RBFOX1: variants seen among roughly 807,000 people sequenced by gnomAD.
The protein encoded by RBFOX1 is RNA binding protein fox-1 homolog 1.
Under a neutral mutation model 57.7 loss-of-function variants are expected in RBFOX1, and 8 were observed. The observed-to-expected ratio is 0.14, with a 90% confidence interval of 0.08 to 0.25. The LOEUF is 0.25. Among genes scored for constraint, RBFOX1 ranks in the 10% least tolerant of loss-of-function variants. The pLI is 1.00. For missense variants in RBFOX1, 611 were observed against 548.5 expected (o/e 1.11, Z -1.14); for synonymous variants, 326 against 222.4 (o/e 1.47, Z -4.15).
Position 5,999,895 on chromosome 16 carries a change from AAAAAAAAAAAAAGAG to A in RBFOX1, c.351+132561_351+132575del, listed in dbSNP as rs1567239111. Reference sequence around the variant, plus strand: ...AAAAAAAAAAAAAAAAAAAAAAAAAAAAAAAAAAAAAAGAGTGAAGAAGGGAAATCAGACAAGGAA... The same window carrying A: ...AAAAAAAAAAAAAAAAAAAAAAAAAATGAAGAAGGGAAATCAGACAAGGAA... On this transcript the variant is annotated intron_variant, in intron 4 of 19. Transcript: ENST00000641259. Among the ~76,000 whole-genome samples the A allele has an allele frequency of 1.2e-3, 87 of 73,540 alleles. 16 individuals are homozygous for A. The Middle Eastern group carries it at 0.02, about 17-fold the overall frequency. 48.2% of individuals were successfully genotyped at this position (73,540 alleles called of 152,430 possible). A position where few individuals can be genotyped will look rare whatever the true frequency, so the allele number is the denominator to read the frequency against.
intron 3 of RBFOX1, among the ~76,000 whole-genome samples, chr16:6,892,786 CT>C (rs1567747849): frequency 4.1e-5 from 3 of 72,786 alleles, no homozygotes; most frequent in African/African-American, 1.4e-4. Context: ...CTCTCTCTCT[CT>C]CTCTCTCTCT....
At chr16:6,328,341 G>A (rs555779877) in intron 2 of RBFOX1, among the ~76,000 whole-genome samples, 2 of 152,198 alleles carry the variant, frequency 1.3e-5, no homozygotes, top group East Asian at 1.9e-4. Flanking sequence ...ATACTCCTCG[G>A]GTGATGGGTG....
chr16:6,849,275 C>T (rs2093937157), intron 3 of RBFOX1, among the ~76,000 whole-genome samples: 1 of 152,190 alleles, frequency 6.6e-6, no homozygotes, highest in Admixed American at 6.5e-5. Flanking sequence ...TAAAAGTTAG[C>T]TCCTGCAATA....
intron 1 of RBFOX1, among the ~76,000 whole-genome samples, chr16:6,197,919 A>G (rs147400681): frequency 1.5e-3 from 231 of 152,254 alleles, no homozygotes; most frequent in African/African-American, 5.3e-3. Context: ...CTGTCCCTGC[A>G]TTAGTTTGCT....
At chr16:7,221,847 C>T (rs916505300) in intron 4 of RBFOX1, among the ~76,000 whole-genome samples, 2 of 152,164 alleles carry the variant, frequency 1.3e-5, no homozygotes, top group Admixed American at 6.5e-5. Flanking sequence ...GATTTCCCTC[C>T]TTGGAGGAGT....
chr16:6,133,377 T>C (rs969384054), intron 1 of RBFOX1, among the ~76,000 whole-genome samples: 5 of 152,320 alleles, frequency 3.3e-5, no homozygotes, highest in African/African-American at 1.2e-4. Flanking sequence ...CTATCAGGCA[T>C]GTGGCTGGCA....
At chr16:6,778,080 G>C (rs2079691481) in intron 3 of RBFOX1, among the ~76,000 whole-genome samples, 4 of 152,120 alleles carry the variant, frequency 2.6e-5, no homozygotes, top group Admixed American at 6.5e-5. Flanking sequence ...ATAACAAATA[G>C]ATTGAAAGTG....
chr16:7,207,677 T>C (rs1055763589), intron 4 of RBFOX1, among the ~76,000 whole-genome samples: 3 of 152,168 alleles, frequency 2.0e-5, no homozygotes, highest in Non-Finnish European at 4.4e-5. Context: ...TGTTTTATCT[T>C]TGTTTAAAAG....
chr16:7,500,187 G>A (rs1369819706), intron 4 of RBFOX1, among the ~76,000 whole-genome samples: 1 of 152,200 alleles, frequency 6.6e-6, no homozygotes. Flanking sequence ...CCAGTCTCAA[G>A]TGGAGACATT....
chr16:6,509,423 A>C (rs1426156350), intron 2 of RBFOX1, among the ~76,000 whole-genome samples: 1 of 152,198 alleles, frequency 6.6e-6, no homozygotes, highest in Non-Finnish European at 1.5e-5. Context: ...TGAGTGCAAT[A>C]AGCCAGGCAC....
At chr16:6,512,061 A>C (rs1245777085) in intron 2 of RBFOX1, among the ~76,000 whole-genome samples, 2 of 151,922 alleles carry the variant, frequency 1.3e-5, no homozygotes, top group African/African-American at 4.8e-5. Flanking sequence ...CCTTGAGCCC[A>C]GGAGTTCAAG....
In RBFOX1 at chr16:7,610,968, A is replaced by G. The variant is rs572783483; in HGVS notation, c.676+3630A>G. ...TGAGTGTGCCTCAAAGCTGAAATGA[A>G]GACCCCTTGTCATTGATTTGCTTTG... On this transcript the variant is annotated intron_variant, in intron 10 of 15. Coordinates refer to ENST00000550418, the MANE Select transcript of RBFOX1 (RefSeq NM_018723.4). Among the ~76,000 whole-genome samples, 24 of 119,938 alleles carry G rather than the reference A, an allele frequency of 2.0e-4. No homozygotes were observed. The South Asian group carries it at 6.0e-3, about 30-fold the overall frequency. 78.7% of individuals were successfully genotyped at this position (119,938 alleles called of 152,430 possible).
At chr16:5,923,936 C>T (rs1169998505) in intron 4 of RBFOX1, among the ~76,000 whole-genome samples, 34 of 152,154 alleles carry the variant, frequency 2.2e-4, no homozygotes. Context: ...GTCTGTGTCT[C>T]CACACAAAAT....
intron 1 of RBFOX1, among the ~76,000 whole-genome samples, chr16:6,191,618 TAAG>T (rs1014136577): frequency 3.3e-5 from 5 of 152,148 alleles, no homozygotes; most frequent in African/African-American, 1.2e-4. Flanking sequence ...TGAGAAAGGG[TAAG>T]AAAACAAGAG....
At chr16:7,415,586 A>G (rs1388549892) in intron 4 of RBFOX1, among the ~76,000 whole-genome samples, 1 of 152,134 alleles carries the variant, frequency 6.6e-6, no homozygotes, top group Non-Finnish European at 1.5e-5. Context: ...GTGACACACA[A>G]AATTTATAAT....
At chr16:7,529,215 C>T (rs2079400884) in intron 5 of RBFOX1, among the ~76,000 whole-genome samples, 2 of 152,174 alleles carry the variant, frequency 1.3e-5, no homozygotes, top group Admixed American at 1.3e-4. Context: ...GAGCTGAGAT[C>T]ATGCCACCAC....
At chr16:6,646,104 A>C (rs1265128747) in intron 2 of RBFOX1, among the ~76,000 whole-genome samples, 1 of 149,374 alleles carries the variant, frequency 6.7e-6, no homozygotes, top group Admixed American at 6.8e-5. Context: ...TAACACTTTT[A>C]AGTAGTTGAG....
chr16:6,193,267 G>C (rs1024751935), intron 1 of RBFOX1, among the ~76,000 whole-genome samples: 6 of 150,554 alleles, frequency 4.0e-5, no homozygotes, highest in Admixed American at 2.7e-4. Flanking sequence ...GGAGAGACAT[G>C]CATGGGGCTG....
At chr16:6,079,122 A>G (rs1213755375) in intron 1 of RBFOX1, among the ~76,000 whole-genome samples, 1 of 151,004 alleles carries the variant, frequency 6.6e-6, no homozygotes, top group Non-Finnish European at 1.5e-5. Context: ...TAACCTGACC[A>G]ACATGGTGAA....
Sources: allele counts gnomAD v4.1 joint callset (sites outside exome capture counted in the v4.1 genomes callset), GRCh38; gene constraint gnomAD v4.1.1; transcripts MANE v1.5; gene names NCBI Gene and HGNC (gene_info 2026-07-23, HGNC 2026-07-21).